The following CYBB variants were observed in gnomAD, a reference collection of about 807,000 sequenced individuals.
The protein encoded by CYBB is NADPH oxidase 2.
Under a neutral mutation model 46.5 loss-of-function variants are expected in CYBB, and 5 were observed. The observed-to-expected ratio is 0.11, with a 90% confidence interval of 0.06 to 0.23. CYBB has a LOEUF of 0.23. CYBB is among the 10% of genes least tolerant of loss of function. The pLI is 1.00. For missense variants in CYBB, 307 were observed against 428.3 expected (o/e 0.72, Z 2.50); for synonymous variants, 183 against 156.7 (o/e 1.17, Z -1.26).
Position 37,809,825 on chromosome X carries a change from A to G in CYBB, c.1586+134A>G. On this transcript the variant is annotated intron_variant, in intron 12 of 12. Coordinates refer to ENST00000378588, the MANE Select transcript of CYBB (RefSeq NM_000397.4). ...TATATAAAGATTGAATTCATGCCCA[A>G]CAGAAGATTCCAGATATCTTCAACT... 7.9e-6 allele frequency: 5 copies of G among 635,357 alleles called. No individual in the cohort carries two copies. The South Asian group carries it at 8.5e-5, about 11-fold the overall frequency. The allele number at this position is 635,357 out of a possible 1,213,427, so 52.4% of individuals were successfully genotyped here.
intron 7 of CYBB, 29 bp downstream of exon 7, chrX:37,799,113 G>C: frequency 2.5e-6 from 3 of 1,178,960 alleles, no homozygotes; most frequent in Non-Finnish European, 3.5e-6. Flanking sequence ...TGTTATTACA[G>C]TTTCATTACT....
intron 4 of CYBB, among the ~76,000 whole-genome samples, chrX:37,792,988 C>T (rs1462441220): frequency 2.8e-5 from 3 of 108,887 alleles, no homozygotes; most frequent in African/African-American, 1.0e-4. Context: ...GGTTTTAAAG[C>T]AGTCTATGTC....
At chrX:37,803,820 TA>T in intron 8 of CYBB, 56 bp from the exon 9 acceptor site, 1 of 1,188,093 alleles carries the variant, frequency 8.4e-7, no homozygotes, top group Non-Finnish European at 1.1e-6. Flanking sequence ...ATATGGACAC[TA>T]AAAAGGCAAG....
chrX:37,795,645 G>C (rs1929283938), intron 5 of CYBB, among the ~76,000 whole-genome samples: 1 of 111,716 alleles, frequency 9.0e-6, no homozygotes, highest in Non-Finnish European at 1.9e-5. Flanking sequence ...TCCTGTAGTT[G>C]ATTGATTTCC....
intron 11 of CYBB, among the ~76,000 whole-genome samples, chrX:37,809,038 A>G (rs1227106095): frequency 2.7e-5 from 3 of 112,541 alleles, no homozygotes; most frequent in African/African-American, 6.5e-5. Flanking sequence ...CTATATACAC[A>G]TATGTGCGTG....
In CYBB at chrX:37,811,007, A is replaced by C; in HGVS notation, c.*90A>C. On this transcript the variant is annotated 3_prime_UTR_variant, in exon 13 of 13. Coordinates refer to ENST00000378588, the MANE Select transcript of CYBB (RefSeq NM_000397.4). ...ATAATATAAATACCCCCTGCTTAAA[A>C]ATGGACAAAAAGAAACTATAATGTA... The C allele has an allele frequency of 1.2e-6, 1 of 859,974 alleles. No individual in the cohort carries two copies. Among genetic ancestry groups the C allele is most frequent in the Admixed American group, 2.5e-5 (1 of 39,829 alleles). 70.9% of individuals were successfully genotyped at this position (859,974 alleles called of 1,213,427 possible).
intron 3 of CYBB, among the ~76,000 whole-genome samples, chrX:37,788,665 C>A (rs782192421): frequency 1.8e-5 from 2 of 111,107 alleles, no homozygotes; most frequent in African/African-American, 6.6e-5. Flanking sequence ...CGATGTCACA[C>A]GGCTAGGTGG....
At chrX:37,791,126 A>G (rs1462392532) in intron 3 of CYBB, among the ~76,000 whole-genome samples, 1 of 111,483 alleles carries the variant, frequency 9.0e-6, no homozygotes, top group Non-Finnish European at 1.9e-5. Context: ...ATGTTTATAT[A>G]AACTCTAGTA....
intron 3 of CYBB, among the ~76,000 whole-genome samples, chrX:37,791,709 T>C (rs1358896360): frequency 8.9e-6 from 1 of 111,812 alleles, no homozygotes; most frequent in Non-Finnish European, 1.9e-5. Flanking sequence ...AGTTAAGCAA[T>C]GGATTCCAGA....
intron 11 of CYBB, among the ~76,000 whole-genome samples, chrX:37,808,987 A>G (rs1013610196): frequency 8.9e-6 from 1 of 112,182 alleles, no homozygotes; most frequent in Non-Finnish European, 1.9e-5. Context: ...TGTTGCTCAA[A>G]CTGAAGCCTC....
At chrX:37,795,243 T>G (rs1329866092) in intron 5 of CYBB, among the ~76,000 whole-genome samples, 1 of 111,455 alleles carries the variant, frequency 9.0e-6, no homozygotes, top group Non-Finnish European at 1.9e-5. Context: ...GGCTGAATGG[T>G]TACCTGTTCC....
chrX:37,806,604 T>C (rs1351102592), intron 11 of CYBB, 71 bp downstream of exon 11: 1 of 1,002,114 alleles, frequency 1.0e-6, no homozygotes, highest in Non-Finnish European at 1.4e-6. Flanking sequence ...CCTTGGTTAT[T>C]GGTGTGTCTT....
chrX:37,792,146 T>C, intron 4 of CYBB, 87 bp downstream of exon 4: 1 of 600,469 alleles, frequency 1.7e-6, no homozygotes, highest in Non-Finnish European at 2.9e-6. Context: ...AGTTTTATAG[T>C]TAGATTAAGT....
intron 3 of CYBB, among the ~76,000 whole-genome samples, chrX:37,789,551 A>AAATAAATAAATAAATAAATAAATT (rs1388017283): frequency 9.1e-6 from 1 of 110,493 alleles, no homozygotes; most frequent in Non-Finnish European, 1.9e-5. Context: ...ATAAATAAAT[A>AAATAAATAAATAAATAAATAAATT]AACTATAAAG....
chrX:37,806,503 C>T lies in CYBB; in HGVS notation c.1431C>T (p.Asn477=). The change falls in exon 11 of 13, where the codon AAC becomes AAT. Residue 477 remains asparagine (N), a synonymous_variant. Coordinates refer to ENST00000378588, the MANE Select transcript of CYBB (RefSeq NM_000397.4). The part of the protein sequence containing the change: ...ERNNAGFLSY[N]IYLTGWDESQ... ...ACAATGCCGGCTTCCTCAGCTACAACATCTACCTCACTGGCTGGGATGAGT... is the reference window on the plus strand; with the variant it reads ...ACAATGCCGGCTTCCTCAGCTACAATATCTACCTCACTGGCTGGGATGAGT... 8.3e-7 allele frequency: 1 copy of T among 1,211,116 alleles called. No individual in the cohort carries two copies.
At chrX:37,788,103 A>G (rs1929112706) in intron 3 of CYBB, among the ~76,000 whole-genome samples, 1 of 112,167 alleles carries the variant, frequency 8.9e-6, no homozygotes, top group African/African-American at 3.2e-5. Flanking sequence ...GCTTTCAGTT[A>G]ATTTTTCTCT....
chrX:37,788,855 C>T (rs1556466162), intron 3 of CYBB, among the ~76,000 whole-genome samples: 1 of 111,890 alleles, frequency 8.9e-6, no homozygotes, highest in Non-Finnish European at 1.9e-5. Context: ...ACCACAATAA[C>T]TTAAAACAAC....
chrX:37,797,046 T>C (rs1303447956), intron 6 of CYBB, among the ~76,000 whole-genome samples: 1 of 111,021 alleles, frequency 9.0e-6, no homozygotes, highest in African/African-American at 3.3e-5. Flanking sequence ...CCCTGGTGGG[T>C]ATAGGGCTCC....
At chrX:37,795,885 C>A in intron 5 of CYBB, 66 bp from the exon 6 acceptor site, 2 of 786,775 alleles carry the variant, frequency 2.5e-6, no homozygotes, top group Admixed American at 4.8e-5. Flanking sequence ...ATTGTGCTTG[C>A]GCACATGTGT....
Sources: allele counts gnomAD v4.1 joint callset (sites outside exome capture counted in the v4.1 genomes callset), GRCh38; gene constraint gnomAD v4.1.1; transcripts MANE v1.5; gene names NCBI Gene and HGNC (gene_info 2026-07-23, HGNC 2026-07-21).